The following METAP1 variants were observed in gnomAD, a reference collection of about 807,000 sequenced individuals.
METAP1 encodes the protein methionine aminopeptidase 1.
Under a neutral mutation model 53.8 loss-of-function variants are expected in METAP1, and 28 were observed. The ratio of observed to expected loss-of-function variants is 0.52; its 90% CI spans 0.39 to 0.71. The LOEUF is 0.71. Among genes scored for constraint, METAP1 ranks in the 30% least tolerant of loss-of-function variants. The pLI is 0.00. For missense variants in METAP1, 389 were observed against 479.8 expected (o/e 0.81, Z 1.77); for synonymous variants, 181 against 165.7 (o/e 1.09, Z -0.71).
In METAP1 at chr4:99,026,507, G is replaced by A. The variant is rs1159854611; in HGVS notation, c.115-2360G>A. 4.1e-6 allele frequency: 4 copies of A among 985,280 alleles called. No individual in the cohort carries two copies. The African/African-American group carries it at 7.0e-5, about 17-fold the overall frequency. The allele number at this position is 985,280 out of a possible 1,614,324, so 61.0% of individuals were successfully genotyped here. ...GTGAGTGTTAGGATTAGGTAGGTCA[G>A]GTTATACAAAGGGAAGAGATTGGGA... On this transcript the variant is annotated intron_variant, in intron 1 of 10. Transcript: ENST00000296411.
At chr4:99,029,133 CAT>C (rs1490214069) in intron 2 of METAP1, among the ~76,000 whole-genome samples, 2 of 152,034 alleles carry the variant, frequency 1.3e-5, no homozygotes, top group Non-Finnish European at 2.9e-5. Context: ...AACATGAAAA[CAT>C]GAGATAGTTG....
At chr4:99,048,374 T>A (rs1017166882) in intron 8 of METAP1, among the ~76,000 whole-genome samples, 1 of 152,158 alleles carries the variant, frequency 6.6e-6, no homozygotes, top group Non-Finnish European at 1.5e-5. Flanking sequence ...ATTACTTTTT[T>A]TTTTTCTTTT....
At chr4:98,998,031 C>G (rs1229676890) in intron 1 of METAP1, among the ~76,000 whole-genome samples, 1 of 152,228 alleles carries the variant, frequency 6.6e-6, no homozygotes, top group African/African-American at 2.4e-5. Context: ...ATGCGTATCC[C>G]TCATTGCTTT....
At chr4:99,049,007 A>C in intron 9 of METAP1, 131 bp downstream of exon 9, 1 of 1,135,230 alleles carries the variant, frequency 8.8e-7, no homozygotes. Context: ...GATTCCCAAA[A>C]TGTGTATTTG....
intron 7 of METAP1, among the ~76,000 whole-genome samples, chr4:99,043,676 GT>G (rs1176145195): frequency 6.6e-6 from 1 of 152,064 alleles, no homozygotes; most frequent in African/African-American, 2.4e-5. Flanking sequence ...GTGGAGTCTA[GT>G]TTTTTTCCCC....
At chr4:99,003,756 A>G (rs1048334493) in intron 1 of METAP1, among the ~76,000 whole-genome samples, 19 of 152,204 alleles carry the variant, frequency 1.2e-4, no homozygotes, top group African/African-American at 4.3e-4. Context: ...ATCAACACAG[A>G]TGATTTCTGT....
chr4:99,016,970 C>T (rs751229162), intron 1 of METAP1, among the ~76,000 whole-genome samples: 1 of 152,152 alleles, frequency 6.6e-6, no homozygotes, highest in Non-Finnish European at 1.5e-5. Context: ...GCCCACATTT[C>T]GCTTAGTTTT....
chr4:99,022,349 C>G (rs1239912655), intron 1 of METAP1: 1 of 867,176 alleles, frequency 1.2e-6, no homozygotes, highest in Non-Finnish European at 1.6e-6. Flanking sequence ...TCCATGCTCT[C>G]TGAGGGTGGC....
At chr4:98,996,303 C>T (rs916091669) in intron 1 of METAP1, among the ~76,000 whole-genome samples, 4 of 152,204 alleles carry the variant, frequency 2.6e-5, no homozygotes, top group Non-Finnish European at 5.9e-5. Flanking sequence ...CGGGTCTGGG[C>T]GCTGGAGGCG....
chr4:99,055,752 TTC>T (rs1727065570), intron 9 of METAP1, among the ~76,000 whole-genome samples: 1 of 152,222 alleles, frequency 6.6e-6, no homozygotes, highest in African/African-American at 2.4e-5. Flanking sequence ...AATGCTGCTG[TTC>T]TGGACGGCAG....
chr4:99,002,233 G>T (rs912721455), intron 1 of METAP1, among the ~76,000 whole-genome samples: 7 of 152,210 alleles, frequency 4.6e-5, no homozygotes, highest in Non-Finnish European at 8.8e-5. Context: ...CAGTGGCACG[G>T]TAACTCCTTC....
rs1428251788 is a variant in METAP1, at chr4:99,061,244, T to C, written c.1088T>C (p.Val363Ala). The change falls in exon 11 of 11, where the codon GTC (valine) becomes GCC (alanine). Residue 363 changes from valine to alanine, a missense_variant. Val to Ala is a moderately conservative substitution (Grantham distance 64). Transcript: ENST00000296411. ...GCTCAGTTTGAGCACACCCTCCTGG[T>C]CACAGACACTGGCTGTGAAATCCTA... ...RSAQFEHTLLVTDTGCEILTR... is the reference protein window; with the variant it reads ...RSAQFEHTLLATDTGCEILTR... 1.2e-6 allele frequency: 2 copies of C among 1,613,964 alleles called. No homozygotes were observed. The highest frequency in any genetic ancestry group is 3.3e-5 in the Admixed American group (2 of 60,022).
At chr4:99,016,270 A>G (rs1723760918) in intron 1 of METAP1, among the ~76,000 whole-genome samples, 1 of 152,218 alleles carries the variant, frequency 6.6e-6, no homozygotes, top group African/African-American at 2.4e-5. Flanking sequence ...ATAACATTTC[A>G]TAGGGGGATG....
intron 4 of METAP1, among the ~76,000 whole-genome samples, chr4:99,038,423 T>C (rs1394164501): frequency 6.6e-6 from 1 of 152,044 alleles, no homozygotes; most frequent in Non-Finnish European, 1.5e-5. Context: ...GAATTAACTT[T>C]CCTTCTAGAT....
At chr4:99,020,257 A>C (rs1303981425) in intron 1 of METAP1, among the ~76,000 whole-genome samples, 1 of 152,148 alleles carries the variant, frequency 6.6e-6, no homozygotes, top group Admixed American at 6.5e-5. Context: ...TCATCTAGCA[A>C]AGGCTTAAGC....
intron 4 of METAP1, among the ~76,000 whole-genome samples, chr4:99,038,477 A>C (rs1443248604): frequency 6.6e-6 from 1 of 152,064 alleles, no homozygotes; most frequent in Non-Finnish European, 1.5e-5. Context: ...AATTGGATGA[A>C]TAGATTTGTC....
chr4:99,047,314 C>T (rs911296412), intron 8 of METAP1, among the ~76,000 whole-genome samples: 3 of 152,138 alleles, frequency 2.0e-5, no homozygotes, highest in Non-Finnish European at 2.9e-5. Context: ...GTTACACCAC[C>T]ACCCTGTGTT....
chr4:99,001,465 G>A (rs574424606), intron 1 of METAP1, among the ~76,000 whole-genome samples: 17 of 152,242 alleles, frequency 1.1e-4, no homozygotes, highest in African/African-American at 3.6e-4. Context: ...GAACATATTT[G>A]CGTATTTATT....
At chr4:99,012,385 C>T (rs1723522401) in intron 1 of METAP1, among the ~76,000 whole-genome samples, 1 of 151,332 alleles carries the variant, frequency 6.6e-6, no homozygotes, top group Non-Finnish European at 1.5e-5. Flanking sequence ...ATTCTCTTGC[C>T]TCAGCCTCTC....
Sources: gnomAD v4.1 joint callset for allele counts (sites outside exome capture counted in the v4.1 genomes callset) on GRCh38, gnomAD v4.1.1 for gene constraint, MANE v1.5 for transcripts, NCBI Gene and HGNC (gene_info 2026-07-23, HGNC 2026-07-21) for gene names.